Variants in PTPRG observed in about 807,000 individuals in gnomAD.
PTPRG encodes the protein protein tyrosine phosphatase receptor type G.
A neutral mutation model predicts 165.3 loss-of-function variants in PTPRG; 102 were observed. The ratio of observed to expected loss-of-function variants is 0.62; its 90% CI spans 0.53 to 0.73. The LOEUF (loss-of-function observed/expected upper bound fraction) is 0.73. Ranked by LOEUF, PTPRG falls within the 30% of genes least tolerant of loss-of-function variation. The pLI is 0.00. For synonymous variants in PTPRG, 675 were observed against 669.5 expected, an observed-to-expected ratio of 1.01 and a Z score of -0.13; for missense variants, 1,866 against 1,861.4, an observed-to-expected ratio of 1.00 and a Z score of -0.05.
intron 2 of PTPRG, among the ~76,000 whole-genome samples, chr3:61,982,749 G>T (rs2040669975): frequency 6.6e-6 from 1 of 152,072 alleles, no homozygotes; most frequent in Non-Finnish European, 1.5e-5. Context: ...TAGAGTCTGG[G>T]ACCTCCAGTT....
intron 13 of PTPRG, among the ~76,000 whole-genome samples, chr3:62,227,215 GT>G (rs1700782840): frequency 6.6e-6 from 1 of 152,156 alleles, no homozygotes; most frequent in Non-Finnish European, 1.5e-5. Context: ...CAGAGCTGCT[GT>G]GAGCCCAGGC....
At chr3:62,249,774 C>A (rs1242458778) in intron 15 of PTPRG, among the ~76,000 whole-genome samples, 1 of 152,186 alleles carries the variant, frequency 6.6e-6, no homozygotes, top group East Asian at 1.9e-4. Flanking sequence ...TTCCAAGTAA[C>A]TGAAGCCTAC....
chr3:61,796,798 C>A (rs933948850), intron 2 of PTPRG, among the ~76,000 whole-genome samples: 3 of 152,090 alleles, frequency 2.0e-5, no homozygotes, highest in African/African-American at 7.2e-5. Flanking sequence ...GTCTGTCTTA[C>A]CAGACACAAG....
In PTPRG at chr3:62,059,955, G is replaced by T. The variant is rs1053338263; in HGVS notation, c.520-18208G>T. ...TTCCTGAGGCCTCCCCAGCTGTACT[G>T]AACTGTGAGTCAATTAAACCTCTTT... On this transcript the variant is annotated intron_variant, in intron 4 of 29. Transcript: ENST00000474889. 3.9e-5 allele frequency among the ~76,000 whole-genome samples: 6 copies of T among 152,238 alleles called. No homozygotes were observed. The East Asian group carries it at 9.6e-4, about 24-fold the overall frequency.
intron 2 of PTPRG, among the ~76,000 whole-genome samples, chr3:61,967,106 A>G (rs982433472): frequency 5.9e-5 from 9 of 152,176 alleles, no homozygotes; most frequent in African/African-American, 1.9e-4. Context: ...CTCAAGGAAA[A>G]CTTCTTGAAT....
chr3:62,200,094 A>G (rs1412599839), intron 10 of PTPRG, among the ~76,000 whole-genome samples: 1 of 152,146 alleles, frequency 6.6e-6, no homozygotes, highest in Non-Finnish European at 1.5e-5. Context: ...GGGTTGGGGG[A>G]AGGAAGAAAT....
At chr3:61,997,564 C>T (rs1013703864) in intron 3 of PTPRG, among the ~76,000 whole-genome samples, 2 of 152,154 alleles carry the variant, frequency 1.3e-5, no homozygotes, top group Non-Finnish European at 2.9e-5. Flanking sequence ...TCAGCTCAGA[C>T]CATGACACCC....
At chr3:62,290,288 A>T (rs570257417) in intron 28 of PTPRG, among the ~76,000 whole-genome samples, 2 of 152,326 alleles carry the variant, frequency 1.3e-5, no homozygotes, top group Admixed American at 1.3e-4. Context: ...TAATTTCCTC[A>T]GATCCATCTA....
At chr3:61,571,258 G>A (rs1174034206) in intron 1 of PTPRG, among the ~76,000 whole-genome samples, 2 of 152,194 alleles carry the variant, frequency 1.3e-5, no homozygotes, top group Non-Finnish European at 2.9e-5. Flanking sequence ...GTAGCAAGGC[G>A]CGGGGAGCGG....
intron 28 of PTPRG, among the ~76,000 whole-genome samples, chr3:62,286,592 T>G (rs1433166402): frequency 1.3e-5 from 2 of 152,060 alleles, no homozygotes; most frequent in Non-Finnish European, 2.9e-5. Context: ...CTTCAGGAGC[T>G]TAAAGTACTT....
At chr3:62,221,692 A>G (rs575708970) in intron 13 of PTPRG, among the ~76,000 whole-genome samples, 1 of 152,316 alleles carries the variant, frequency 6.6e-6, no homozygotes, top group South Asian at 2.1e-4. Context: ...CTTCTGGATC[A>G]TTTCTTCAGG....
chr3:62,169,300 C>T (rs1396082625), intron 8 of PTPRG, among the ~76,000 whole-genome samples: 1 of 152,148 alleles, frequency 6.6e-6, no homozygotes, highest in African/African-American at 2.4e-5. Context: ...TTGCTCCCAA[C>T]ACCCCAGTAT....
chr3:62,181,972 A>C (rs954636052), intron 8 of PTPRG, among the ~76,000 whole-genome samples: 2 of 152,266 alleles, frequency 1.3e-5, no homozygotes, highest in Non-Finnish European at 2.9e-5. Flanking sequence ...AAGCCTTACC[A>C]GTAACATACA....
chr3:62,268,288 A>G (rs368455814), intron 19 of PTPRG, among the ~76,000 whole-genome samples: 3 of 152,220 alleles, frequency 2.0e-5, no homozygotes, highest in African/African-American at 7.2e-5. Flanking sequence ...ACCATCATTA[A>G]GAGGACCTTT....
intron 1 of PTPRG, among the ~76,000 whole-genome samples, chr3:61,585,519 C>T (rs1680798774): frequency 1.3e-5 from 2 of 151,906 alleles, no homozygotes; most frequent in Admixed American, 6.6e-5. Context: ...CTGAGGAGGG[C>T]GGATTGCTTG....
intron 7 of PTPRG, among the ~76,000 whole-genome samples, chr3:62,160,011 G>A (rs961080972): frequency 6.6e-6 from 1 of 152,180 alleles, no homozygotes; most frequent in African/African-American, 2.4e-5. Flanking sequence ...TCAGAAAGGC[G>A]AACAGCCAAT....
At chr3:62,179,172 C>T (rs1472853507) in intron 8 of PTPRG, among the ~76,000 whole-genome samples, 1 of 152,182 alleles carries the variant, frequency 6.6e-6, no homozygotes, top group Admixed American at 6.5e-5. Flanking sequence ...AGTCTCATCT[C>T]CCTGCCCCTG....
intron 2 of PTPRG, among the ~76,000 whole-genome samples, chr3:61,878,639 G>T (rs557029630): frequency 6.6e-6 from 1 of 151,898 alleles, no homozygotes; most frequent in South Asian, 2.1e-4. Flanking sequence ...GACTACAGGC[G>T]TGTGCTACCA....
At chr3:61,702,177 C>T (rs2031002926) in intron 1 of PTPRG, among the ~76,000 whole-genome samples, 2 of 151,974 alleles carry the variant, frequency 1.3e-5, no homozygotes, top group South Asian at 2.1e-4. Flanking sequence ...CAGGGTTTTG[C>T]CATGTTGGCC....
Sources: allele counts gnomAD v4.1 joint callset (sites outside exome capture counted in the v4.1 genomes callset), GRCh38; gene constraint gnomAD v4.1.1; transcripts MANE v1.5; gene names NCBI Gene and HGNC (gene_info 2026-07-23, HGNC 2026-07-21).